ST6GAL2: variants seen among roughly 807,000 people sequenced by gnomAD.
The protein encoded by ST6GAL2 is beta-galactoside alpha-2,6-sialyltransferase 2.
A neutral mutation model predicts 37.5 loss-of-function variants in ST6GAL2; 24 were observed. The observed-to-expected ratio is 0.64, with a 90% confidence interval of 0.46 to 0.90. The LOEUF (loss-of-function observed/expected upper bound fraction) is 0.90. Ranked by LOEUF, ST6GAL2 falls within the 40% of genes least tolerant of loss-of-function variation. The pLI is 0.00. For synonymous variants in ST6GAL2, 306 were observed against 295.1 expected (o/e 1.04, Z -0.38); for missense variants, 715 against 712.7 (o/e 1.00, Z -0.04).
At chr2:106,885,491 GC>G (rs1678940570) in intron 1 of ST6GAL2, among the ~76,000 whole-genome samples, 1 of 152,084 alleles carries the variant, frequency 6.6e-6, no homozygotes, top group Admixed American at 6.5e-5. Context: ...CAGCTATTCA[GC>G]TCTTTGGAAG....
chr2:106,835,312 C>G (rs1676592291), intron 2 of ST6GAL2, among the ~76,000 whole-genome samples: 1 of 152,206 alleles, frequency 6.6e-6, no homozygotes. Context: ...CGAGCCCGCA[C>G]AAGTGCCTAA....
At chr2:106,819,482 C>T (rs1675922311) in intron 5 of ST6GAL2, among the ~76,000 whole-genome samples, 1 of 151,992 alleles carries the variant, frequency 6.6e-6, no homozygotes, top group African/African-American at 2.4e-5. Flanking sequence ...AAAACAAATA[C>T]ACTTTTATCC....
intron 5 of ST6GAL2, among the ~76,000 whole-genome samples, chr2:106,827,720 C>T (rs6543445): frequency 0.35 from 52,706 of 152,080 alleles, 9,903 homozygotes; most frequent in Non-Finnish European, 0.43. Flanking sequence ...CAGGAGCACA[C>T]GGTGACTCAG....
chr2:106,827,182 A>T (rs1336741210), intron 5 of ST6GAL2, among the ~76,000 whole-genome samples: 1 of 152,140 alleles, frequency 6.6e-6, no homozygotes, highest in Non-Finnish European at 1.5e-5. Context: ...TTTGGAGAAC[A>T]CTTTTTGATA....
intron 1 of ST6GAL2, among the ~76,000 whole-genome samples, chr2:106,883,390 G>A (rs1160191611): frequency 1.3e-5 from 2 of 152,130 alleles, no homozygotes; most frequent in Non-Finnish European, 2.9e-5. Flanking sequence ...CTGAAAATGT[G>A]GTAATCCACT....
At chr2:106,838,894 G>C (rs370034900) in intron 2 of ST6GAL2, among the ~76,000 whole-genome samples, 2 of 151,972 alleles carry the variant, frequency 1.3e-5, no homozygotes, top group African/African-American at 4.8e-5. Context: ...AAATTAGCCG[G>C]GTATGGTGGC....
intron 1 of ST6GAL2, among the ~76,000 whole-genome samples, chr2:106,868,493 C>T (rs1167196342): frequency 6.6e-6 from 1 of 152,132 alleles, no homozygotes; most frequent in East Asian, 1.9e-4. Context: ...ATAAACTCTT[C>T]ATAGGTCATA....
At chr2:106,810,469 A>T (rs115862505) in intron 5 of ST6GAL2, among the ~76,000 whole-genome samples, 1,858 of 152,194 alleles carry the variant, frequency 0.012, 31 homozygotes, top group Middle Eastern at 0.037. Context: ...AGCAACAATG[A>T]TTTCTCCATC....
Position 106,837,841 on chromosome 2 carries a change from C to T in ST6GAL2, c.944-3695G>A, listed in dbSNP as rs115715184. On this transcript the variant is annotated intron_variant, in intron 2 of 5. Coordinates refer to ENST00000409382, the MANE Select transcript of ST6GAL2 (RefSeq NM_001142351.2). ...TGCTCTAAACCATCCAAGGACTTCA[C>T]GAGGCACAGGGCACAGAAAGATAAC... is the stretch of plus-strand genomic sequence containing the variant. Among the ~76,000 whole-genome samples the T allele has an allele frequency of 1.7e-3, 264 of 152,322 alleles. 4 individuals are homozygous for T. The highest frequency in any genetic ancestry group is 5.2e-3 in the South Asian group (25 of 4,830).
intron 1 of ST6GAL2, among the ~76,000 whole-genome samples, chr2:106,873,557 C>A (rs531631594): frequency 6.6e-6 from 1 of 152,180 alleles, no homozygotes; most frequent in Non-Finnish European, 1.5e-5. Flanking sequence ...TTTATAAATT[C>A]TCCATGGACA....
chr2:106,840,232 T>A (rs1676820782), intron 2 of ST6GAL2, among the ~76,000 whole-genome samples: 1 of 152,206 alleles, frequency 6.6e-6, no homozygotes, highest in Non-Finnish European at 1.5e-5. Flanking sequence ...ATTTAGCCAA[T>A]TCACAAGTAG....
Position 106,803,767 on chromosome 2 carries a change from C to T in ST6GAL2, c.*2911G>A, listed in dbSNP as rs528393130. The T allele has an allele frequency of 6.6e-6, 1 of 152,160 alleles. No individual in the cohort carries two copies. Among genetic ancestry groups the T allele is most frequent in the Admixed American group, 6.5e-5 (1 of 15,278 alleles). 9.4% of individuals were successfully genotyped at this position (152,160 alleles called of 1,614,324 possible). ...AAGAGGATTTTTTTTTATCAGCTTCCCTTCATAAGAGAGGATGGAGGATTT... is the reference window on the plus strand; with the variant it reads ...AAGAGGATTTTTTTTTATCAGCTTCTCTTCATAAGAGAGGATGGAGGATTT... On this transcript the variant is annotated 3_prime_UTR_variant, in exon 6 of 6. Transcript: ENST00000409382.
chr2:106,823,472 CACACACACACACACAGAG>C (rs1270687755), intron 5 of ST6GAL2, among the ~76,000 whole-genome samples: 27 of 86,078 alleles, frequency 3.1e-4, no homozygotes, highest in South Asian at 9.3e-4. Flanking sequence ...CACACACACA[CACACACACACACACAGAG>C]AGAGAGAGAG....
At position 106,839,690 on chromosome 2, in the gene ST6GAL2, C is replaced by T. The variant is rs558497071; in HGVS notation, c.943+3345G>A. Among the ~76,000 whole-genome samples, 8 of 152,246 alleles carry T rather than the reference C, an allele frequency of 5.3e-5. No homozygotes were observed. In the South Asian group the frequency reaches 1.7e-3, roughly 32 times the overall value. On this transcript the variant is annotated intron_variant, in intron 2 of 5. Transcript: ENST00000409382. ...CATTTCCCATGCACTTGCCAGAATT[C>T]GAGTTTCAGGTACACAGATCTTGGT... is the stretch of plus-strand genomic sequence containing the variant.
intron 2 of ST6GAL2, among the ~76,000 whole-genome samples, chr2:106,836,943 T>TTAAAAAAA (rs1676670528): frequency 8.4e-5 from 3 of 35,686 alleles, no homozygotes; most frequent in Admixed American, 7.7e-4. Flanking sequence ...AAATTCCATC[T>TTAAAAAAA]CAAAAAAAAA....
intron 1 of ST6GAL2, among the ~76,000 whole-genome samples, chr2:106,870,487 C>T (rs987929777): frequency 3.3e-5 from 5 of 152,114 alleles, no homozygotes; most frequent in East Asian, 3.9e-4. Context: ...TGAGAGTACA[C>T]GTTCTCAAGG....
chr2:106,829,167 C>T (rs1312656673), intron 5 of ST6GAL2, among the ~76,000 whole-genome samples: 1 of 152,184 alleles, frequency 6.6e-6, no homozygotes, highest in Non-Finnish European at 1.5e-5. Flanking sequence ...CACGATGCTG[C>T]ACATTCCTGG....
At chr2:106,881,758 CAA>C (rs1239698409) in intron 1 of ST6GAL2, among the ~76,000 whole-genome samples, 1 of 152,188 alleles carries the variant, frequency 6.6e-6, no homozygotes. Flanking sequence ...CTCTCGGGCT[CAA>C]ACAGTAGAAG....
chr2:106,830,278 A>G, intron 4 of ST6GAL2, 38 bp from the exon 5 acceptor site: 1 of 1,569,786 alleles, frequency 6.4e-7, no homozygotes, highest in South Asian at 1.1e-5. Context: ...AGTAGAAAGA[A>G]CTAAACTATG....
Sources: allele counts gnomAD v4.1 joint callset (sites outside exome capture counted in the v4.1 genomes callset), GRCh38; gene constraint gnomAD v4.1.1; transcripts MANE v1.5; gene names NCBI Gene and HGNC (gene_info 2026-07-23, HGNC 2026-07-21).